NRXN3: variants seen among roughly 807,000 people sequenced by gnomAD.
NRXN3 encodes the protein neurexin 3.
In NRXN3, 32 loss-of-function variants were observed where a neutral mutation model predicts 137.6. The observed-to-expected ratio is 0.23, with a 90% CI of 0.18 to 0.31. NRXN3 has a LOEUF of 0.31. Among genes scored for constraint, NRXN3 ranks in the 10% least tolerant of loss-of-function variants. The pLI, the probability that NRXN3 is intolerant of heterozygous loss-of-function variation, is 1.00. For missense variants in NRXN3, 1,574 were observed against 2,062.5 expected (o/e 0.76, Z 4.59); for synonymous variants, 798 against 784.5 (o/e 1.02, Z -0.29).
intron 2 of NRXN3, among the ~76,000 whole-genome samples, chr14:78,266,434 G>T (rs1253652835): frequency 6.6e-6 from 1 of 152,100 alleles, no homozygotes. Flanking sequence ...GAGTAGCTGA[G>T]ATTACAGGCA....
At chr14:79,391,013 G>A (rs2094826996) in intron 15 of NRXN3, among the ~76,000 whole-genome samples, 1 of 152,126 alleles carries the variant, frequency 6.6e-6, no homozygotes, top group Non-Finnish European at 1.5e-5. Context: ...TCCCTTGCCA[G>A]TTGTAGGCCC....
At chr14:79,490,916 C>T (rs2096710456) in intron 16 of NRXN3, among the ~76,000 whole-genome samples, 1 of 152,006 alleles carries the variant, frequency 6.6e-6, no homozygotes, top group African/African-American at 2.4e-5. Context: ...CAAAACATCT[C>T]ACATACTTCA....
chr14:78,548,520 T>C (rs1272931978), intron 4 of NRXN3, among the ~76,000 whole-genome samples: 1 of 152,182 alleles, frequency 6.6e-6, no homozygotes, highest in Non-Finnish European at 1.5e-5. Context: ...CCACATACTG[T>C]ATGTAACTGC....
At chr14:78,829,517 A>G (rs2098975987) in intron 10 of NRXN3, among the ~76,000 whole-genome samples, 1 of 151,982 alleles carries the variant, frequency 6.6e-6, no homozygotes, top group Non-Finnish European at 1.5e-5. Context: ...AATCGGGTAA[A>G]ATAGCTCAAC....
chr14:78,430,854 T>C (rs144251810), intron 4 of NRXN3, among the ~76,000 whole-genome samples: 2 of 152,274 alleles, frequency 1.3e-5, no homozygotes, highest in Non-Finnish European at 2.9e-5. Flanking sequence ...GATTGCAATT[T>C]TGGGGAGTCG....
intron 19 of NRXN3, among the ~76,000 whole-genome samples, chr14:79,757,298 G>A (rs2099023000): frequency 6.6e-6 from 1 of 152,172 alleles, no homozygotes; most frequent in Admixed American, 6.6e-5. Context: ...GTTTGCTCTT[G>A]ATGGGTGCAT....
At chr14:79,768,609 A>G (rs1399065417) in intron 19 of NRXN3, among the ~76,000 whole-genome samples, 1 of 152,166 alleles carries the variant, frequency 6.6e-6, no homozygotes, top group Non-Finnish European at 1.5e-5. Flanking sequence ...CATCCACACC[A>G]AAAACCCATC....
intron 16 of NRXN3, among the ~76,000 whole-genome samples, chr14:79,586,846 T>C (rs555691850): frequency 8.9e-4 from 136 of 152,344 alleles, no homozygotes; most frequent in Non-Finnish European, 1.5e-3. Context: ...GCTATTCATA[T>C]TCATTCTTCT....
chr14:78,720,574 T>A (rs1027907132), intron 8 of NRXN3, among the ~76,000 whole-genome samples: 1 of 152,196 alleles, frequency 6.6e-6, no homozygotes, highest in Non-Finnish European at 1.5e-5. Context: ...ATTTTTGTCC[T>A]ATGATATTCA....
chr14:79,770,071 T>C (rs1316802811), intron 19 of NRXN3, among the ~76,000 whole-genome samples: 1 of 151,656 alleles, frequency 6.6e-6, no homozygotes, highest in Non-Finnish European at 1.5e-5. Flanking sequence ...CAAGAAGAGC[T>C]AACTATCCTA....
intron 15 of NRXN3, among the ~76,000 whole-genome samples, chr14:79,035,071 T>C (rs1014351656): frequency 1.1e-4 from 17 of 152,140 alleles, no homozygotes; most frequent in African/African-American, 4.1e-4. Context: ...AATCCTGATA[T>C]CAACTTTAAT....
intron 4 of NRXN3, among the ~76,000 whole-genome samples, chr14:78,428,491 A>G (rs981146340): frequency 3.9e-5 from 6 of 152,192 alleles, no homozygotes; most frequent in Non-Finnish European, 8.8e-5. Flanking sequence ...AACAGAACCA[A>G]TAGGATGTGT....
At chr14:78,250,769 C>A (rs965323066) in intron 2 of NRXN3, among the ~76,000 whole-genome samples, 6 of 152,160 alleles carry the variant, frequency 3.9e-5, no homozygotes, top group Admixed American at 6.5e-5. Context: ...AGAGCCCAGG[C>A]CCTCAATGTG....
intron 10 of NRXN3, among the ~76,000 whole-genome samples, chr14:78,947,437 A>G (rs979834057): frequency 2.6e-5 from 4 of 152,182 alleles, no homozygotes; most frequent in African/African-American, 4.8e-5. Flanking sequence ...ATCTATACAT[A>G]AAGTCCCCCA....
chr14:78,364,487 T>A (rs2153609723), intron 4 of NRXN3, among the ~76,000 whole-genome samples: 1 of 152,234 alleles, frequency 6.6e-6, no homozygotes, highest in East Asian at 1.9e-4. Context: ...AAAAGAAAAA[T>A]TTTAAGATGA....
intron 15 of NRXN3, among the ~76,000 whole-genome samples, chr14:79,310,870 C>A (rs1039398296): frequency 1.3e-5 from 1 of 75,054 alleles, no homozygotes; most frequent in African/African-American, 6.8e-5. Flanking sequence ...ACAATCATGT[C>A]GTCTGCAAAC....
At chr14:79,860,801 C>A (rs2099412530) in intron 20 of NRXN3, among the ~76,000 whole-genome samples, 1 of 152,120 alleles carries the variant, frequency 6.6e-6, no homozygotes, top group Non-Finnish European at 1.5e-5. Context: ...TGAATTTTAT[C>A]TAAATAATTA....
intron 8 of NRXN3, among the ~76,000 whole-genome samples, chr14:78,766,836 T>C (rs2098710685): frequency 6.6e-6 from 1 of 152,166 alleles, no homozygotes; most frequent in African/African-American, 2.4e-5. Flanking sequence ...TCTTAAACTC[T>C]CACTCTCCTC....
intron 3 of NRXN3, among the ~76,000 whole-genome samples, chr14:78,283,642 A>G (rs570567065): frequency 6.6e-6 from 1 of 151,952 alleles, no homozygotes; most frequent in African/African-American, 2.4e-5. Flanking sequence ...TCGAGTAGCG[A>G]GGATTACAGG....
Sources: allele counts gnomAD v4.1 joint callset (sites outside exome capture counted in the v4.1 genomes callset), GRCh38; gene constraint gnomAD v4.1.1; transcripts MANE v1.5; gene names NCBI Gene and HGNC (gene_info 2026-07-23, HGNC 2026-07-21).